The following PRR3 variants were observed in gnomAD, a reference collection of about 807,000 sequenced individuals.
The protein encoded by PRR3 is proline rich 3.
In PRR3, 16 loss-of-function variants were observed where a neutral mutation model predicts 22.4. That is an observed-to-expected ratio of 0.71 (90% CI 0.48 to 1.09). The LOEUF is 1.09. Among genes scored for constraint, PRR3 ranks in the 50% least tolerant of loss-of-function variants. The pLI, the probability that PRR3 is intolerant of heterozygous loss-of-function variation, is 0.00. For synonymous variants in PRR3, 87 were observed against 88.6 expected (o/e 0.98, Z 0.10); for missense variants, 224 against 243.4 (o/e 0.92, Z 0.53).
At position 30,561,275 on chromosome 6, in the gene PRR3, CGTATGT is replaced by C; in HGVS notation, c.170-555_170-550del. 1 of 447,450 alleles carries C rather than the reference CGTATGT, an allele frequency of 2.2e-6. No individual in the cohort carries two copies. Among genetic ancestry groups the C allele is most frequent in the South Asian group, 1.6e-5 (1 of 62,504 alleles). The allele number at this position is 447,450 out of a possible 1,614,324, so 27.7% of individuals were successfully genotyped here. ...CGTATATATTCAACAGAAATGCATA[CGTATGT>C]GTAACAACATGTATAAAAATGTTTA... is the stretch of plus-strand genomic sequence containing the variant. On this transcript the variant is annotated intron_variant, in intron 2 of 3. Transcript: ENST00000376560. This position sits in a 1 kb window ranked among gnomAD's most constrained non-coding sequence, Gnocchi z 4.0.
chr6:30,558,432 C>T lies in PRR3; in HGVS notation c.169+220C>T, dbSNP rs901559287. 5.4e-6 allele frequency: 3 copies of T among 556,692 alleles called. No homozygotes were observed. The African/African-American group carries it at 5.6e-5, about 10-fold the overall frequency. The allele number at this position is 556,692 out of a possible 1,614,324, so 34.5% of individuals were successfully genotyped here. On this transcript the variant is annotated intron_variant, in intron 2 of 3. Coordinates refer to ENST00000376560, the MANE Select transcript of PRR3 (RefSeq NM_025263.4). Reference sequence around the variant, plus strand: ...TTTCATGCATTCCAAGTCAGAACACCCATAATGTTTTTGTGGAAATACACA... The same window carrying T: ...TTTCATGCATTCCAAGTCAGAACACTCATAATGTTTTTGTGGAAATACACA...
At chr6:30,559,198 A>G (rs903010872) in intron 2 of PRR3, among the ~76,000 whole-genome samples, 1 of 152,170 alleles carries the variant, frequency 6.6e-6, no homozygotes, top group Non-Finnish European at 1.5e-5. Flanking sequence ...CAACATGGTG[A>G]AACCCCTGTC....
intron 3 of PRR3, 112 bp from the exon 4 acceptor site, chr6:30,562,277 C>A: frequency 8.6e-7 from 1 of 1,167,082 alleles, no homozygotes. Context: ...TTCCAAAATA[C>A]CTGGAAATGG....
In PRR3 at chr6:30,561,290, A is replaced by G. The variant is rs770636152; in HGVS notation, c.170-544A>G. 4.4e-6 allele frequency: 2 copies of G among 453,286 alleles called. No homozygotes were observed. Among genetic ancestry groups the G allele is most frequent in the African/African-American group, 2.0e-5 (1 of 50,074 alleles). 28.1% of individuals were successfully genotyped at this position (453,286 alleles called of 1,614,324 possible). A position where few individuals can be genotyped will look rare whatever the true frequency, so the allele number is the denominator to read the frequency against. ...GAAATGCATACGTATGTGTAACAAC[A>G]TGTATAAAAATGTTTATAGTGGCAT... On this transcript the variant is annotated intron_variant, in intron 2 of 3. Coordinates refer to ENST00000376560, the MANE Select transcript of PRR3 (RefSeq NM_025263.4). This position sits in a 1 kb window ranked among gnomAD's most constrained non-coding sequence, Gnocchi z 4.0.
chr6:30,559,800 G>A (rs974707396), intron 2 of PRR3, among the ~76,000 whole-genome samples: 8 of 151,268 alleles, frequency 5.3e-5, no homozygotes, highest in Non-Finnish European at 7.4e-5. Context: ...CCTGCTTCCA[G>A]GTATATATCA....
rs537967657 is a variant in PRR3, at chr6:30,562,871, G to A, written c.*376G>A. On this transcript the variant is annotated 3_prime_UTR_variant, in exon 4 of 4. Transcript: ENST00000376560. Reference sequence around the variant, plus strand: ...CCTCAATTCCTGAGAGCCCTGGAGCGGTTTCCTACCATTCCCTTCTTTTAG... The same window carrying A: ...CCTCAATTCCTGAGAGCCCTGGAGCAGTTTCCTACCATTCCCTTCTTTTAG... 2.8e-5 allele frequency: 5 copies of A among 179,548 alleles called. No individual in the cohort carries two copies. Among genetic ancestry groups the A allele is most frequent in the East Asian group, 1.5e-4 (1 of 6,890 alleles). The allele number at this position is 179,548 out of a possible 1,614,324, so 11.1% of individuals were successfully genotyped here.
upstream of PRR3, chr6:30,556,957 G>A (rs2127384888): frequency 1.6e-6 from 1 of 629,860 alleles, no homozygotes; most frequent in Non-Finnish European, 2.9e-6. The surrounding 1 kb of genome is among the most constrained non-coding windows in gnomAD (Gnocchi z 5.7). Flanking sequence ...TGTTACCATA[G>A]TAACCGAGGA....
rs2127393562 is a variant in PRR3, at chr6:30,563,019, C to T, written c.*524C>T. On this transcript the variant is annotated 3_prime_UTR_variant, in exon 4 of 4. Transcript: ENST00000376560. Reference sequence around the variant, plus strand: ...TGGGTGACTGGTGCAGAGTTACTTCCTAAAAGGCCACTCTCCCTGCCTTTG... The same window carrying T: ...TGGGTGACTGGTGCAGAGTTACTTCTTAAAAGGCCACTCTCCCTGCCTTTG... 1 of 152,980 alleles carries T rather than the reference C, an allele frequency of 6.5e-6. No homozygotes were observed. Among genetic ancestry groups the T allele is most frequent in the Non-Finnish European group, 1.5e-5 (1 of 68,282 alleles). The allele number at this position is 152,980 out of a possible 1,614,324, so 9.5% of individuals were successfully genotyped here. A position where few individuals can be genotyped will look rare whatever the true frequency, so the allele number is the denominator to read the frequency against.
In PRR3 at chr6:30,561,706, T is replaced by C; in HGVS notation, c.170-128T>C. 1.3e-6 allele frequency: 1 copy of C among 787,322 alleles called. No homozygotes were observed. Among genetic ancestry groups the C allele is most frequent in the Non-Finnish European group, 2.0e-6 (1 of 509,306 alleles). The allele number at this position is 787,322 out of a possible 1,614,324, so 48.8% of individuals were successfully genotyped here. ...TGTCTACTTTGTGAGAACTGGGTTG[T>C]GCACTTAAAACTGGTGTGTCTTTAT... On this transcript the variant is annotated intron_variant, in intron 2 of 3. Transcript: ENST00000376560. This position sits in a 1 kb window ranked among gnomAD's most constrained non-coding sequence, Gnocchi z 4.0.
At position 30,557,307 on chromosome 6, in the gene PRR3, A is replaced by G; in HGVS notation, c.-38A>G. On this transcript the variant is annotated 5_prime_UTR_variant, in exon 1 of 4. Coordinates refer to ENST00000376560, the MANE Select transcript of PRR3 (RefSeq NM_025263.4). The stretch of plus-strand genomic sequence containing the variant: ...AATCCCCGCGTGCCCCTTCCTCACT[A>G]CCCTCCAAATCCCGCTGCAGCCATT... 6.5e-7 allele frequency: 1 copy of G among 1,542,152 alleles called. No homozygotes were observed. Among genetic ancestry groups the G allele is most frequent in the Non-Finnish European group, 8.9e-7 (1 of 1,122,358 alleles).
In PRR3 at chr6:30,562,926, A is replaced by G. The variant is rs1484978841; in HGVS notation, c.*431A>G. 6.4e-6 allele frequency: 1 copy of G among 155,504 alleles called. No individual in the cohort carries two copies. Among genetic ancestry groups the G allele is most frequent in the East Asian group, 1.9e-4 (1 of 5,298 alleles). The allele number at this position is 155,504 out of a possible 1,614,324, so 9.6% of individuals were successfully genotyped here. On this transcript the variant is annotated 3_prime_UTR_variant, in exon 4 of 4. Transcript: ENST00000376560. ...TTGTTTTAAGTCCTTTTTATGTGACATTCCCTACCCCCAATGTTGTCAGCT... is the reference window on the plus strand; with the variant it reads ...TTGTTTTAAGTCCTTTTTATGTGACGTTCCCTACCCCCAATGTTGTCAGCT...
chr6:30,557,283 A>T (rs17195432), upstream of PRR3: 9,139 of 1,303,818 alleles, frequency 7.0e-3, 46 homozygotes, highest in Admixed American at 9.9e-3. Context: ...CGGAAACAGA[A>T]TCCCCGCGTG....
In PRR3 at chr6:30,557,466, G is replaced by T; in HGVS notation, c.106+16G>T. On this transcript the variant is annotated intron_variant, in intron 1 of 3. Transcript: ENST00000376560. ...AGTCCCATCGGTGAGGGGTCTGGGAGGGATGTGCACATGCCTGTCAAGCCC... is the reference window on the plus strand; with the variant it reads ...AGTCCCATCGGTGAGGGGTCTGGGATGGATGTGCACATGCCTGTCAAGCCC... The T allele has an allele frequency of 1.3e-6, 2 of 1,573,830 alleles. No homozygotes were observed. Among genetic ancestry groups the T allele is most frequent in the African/African-American group, 1.3e-5 (1 of 74,272 alleles).
At chr6:30,558,432 C>A in intron 2 of PRR3, 1 of 556,810 alleles carries the variant, frequency 1.8e-6, no homozygotes. Flanking sequence ...GTCAGAACAC[C>A]CATAATGTTT....
intron 2 of PRR3, among the ~76,000 whole-genome samples, chr6:30,559,351 TG>T (rs752332799): frequency 3.3e-5 from 5 of 152,138 alleles, no homozygotes; most frequent in Non-Finnish European, 7.4e-5. Flanking sequence ...CACTCCAGCC[TG>T]GGGGACAGAG....
chr6:30,560,596 A>G (rs2516642), intron 2 of PRR3: 105,472 of 151,824 alleles, frequency 0.69, 36,817 homozygotes, highest in African/African-American at 0.77. Flanking sequence ...CAGCCTGGCC[A>G]ATATGGTAAA....
intron 2 of PRR3, 97 bp downstream of exon 2, chr6:30,558,309 G>A: frequency 2.1e-6 from 2 of 972,598 alleles, no homozygotes; most frequent in South Asian, 1.4e-5. Context: ...AAAAGATCAG[G>A]GATTCCATCC....
intron 3 of PRR3, 130 bp from the exon 4 acceptor site, chr6:30,562,259 G>A: frequency 8.3e-7 from 1 of 1,200,630 alleles, no homozygotes; most frequent in Non-Finnish European, 1.2e-6. Flanking sequence ...CCAGGAGAAA[G>A]ACTACCATTC....
upstream of PRR3, chr6:30,556,784 T>C: frequency 2.2e-6 from 1 of 453,546 alleles, no homozygotes. The surrounding 1 kb of genome is among the most constrained non-coding windows in gnomAD (Gnocchi z 5.7). Flanking sequence ...GGCGGCGGTC[T>C]GAGAGTCCTG....
Sources: allele counts gnomAD v4.1 joint callset (sites outside exome capture counted in the v4.1 genomes callset), GRCh38; gene constraint gnomAD v4.1.1; non-coding constraint Gnocchi (gnomAD v3.1); transcripts MANE v1.5; gene names NCBI Gene and HGNC (gene_info 2026-07-23, HGNC 2026-07-21).